Variants in PGM1 observed in about 807,000 individuals in gnomAD.
The protein encoded by PGM1 is phosphoglucomutase 1, also known as phosphoglucomutase-1.
PGM1 carries 52 observed loss-of-function variants against 55.6 expected under a neutral mutation model. The ratio of observed to expected loss-of-function variants is 0.94; its 90% CI spans 0.75 to 1.18. The LOEUF (loss-of-function observed/expected upper bound fraction) is 1.18. PGM1 is among the 50% of genes most tolerant of loss of function. The probability of loss-of-function intolerance (pLI) is 0.00; values close to 1 mark genes in which losing one functional copy is unlikely to be tolerated. For missense variants in PGM1, 724 were observed against 729.3 expected (o/e 0.99, Z 0.08); for synonymous variants, 287 against 271.7 (o/e 1.06, Z -0.55).
intron 1 of PGM1, among the ~76,000 whole-genome samples, chr1:63,597,884 T>C (rs1648127718): frequency 6.6e-6 from 1 of 152,188 alleles, no homozygotes; most frequent in Admixed American, 6.5e-5. Flanking sequence ...TATTTGTTGT[T>C]GTTGTTGTTG....
rs765034541 is a variant in PGM1, at chr1:63,593,456, C to T, written c.-33C>T. 6.2e-7 allele frequency: 1 copy of T among 1,612,890 alleles called. No individual in the cohort carries two copies. Among genetic ancestry groups the T allele is most frequent in the Non-Finnish European group, 8.5e-7 (1 of 1,179,716 alleles). On this transcript the variant is annotated 5_prime_UTR_variant, in exon 1 of 11. Coordinates refer to ENST00000371084, the MANE Select transcript of PGM1 (RefSeq NM_002633.3). The stretch of plus-strand genomic sequence containing the variant: ...CGGCCGCCCCTCCGCCAGCCAAGTC[C>T]GCCGCTCTGACCCCCGGCAGCAAGT...
chr1:63,653,485 C>T (rs944973494), intron 9 of PGM1, among the ~76,000 whole-genome samples: 1 of 152,184 alleles, frequency 6.6e-6, no homozygotes, highest in Non-Finnish European at 1.5e-5. Context: ...TGACGAACAG[C>T]AGGTGAAGAG....
rs1298789270 is a variant in PGM1 at position 63,645,573 on chromosome 1, C to T, written c.1145-2944C>T. Among the ~76,000 whole-genome samples, 3 of 152,176 alleles carry T rather than the reference C, an allele frequency of 2.0e-5. No individual in the cohort carries two copies. In the East Asian group the frequency reaches 5.8e-4, roughly 29 times the overall value. On this transcript the variant is annotated intron_variant, in intron 7 of 10. Coordinates refer to ENST00000371084, the MANE Select transcript of PGM1 (RefSeq NM_002633.3). Reference sequence around the variant, plus strand: ...GTAAGAGCCAGAGAGCTTTTTGCTCCTTAAAATAGCAGTAAGGGCAAATAA... The same window carrying T: ...GTAAGAGCCAGAGAGCTTTTTGCTCTTTAAAATAGCAGTAAGGGCAAATAA...
chr1:63,655,260 G>A (rs1365067086), intron 10 of PGM1, among the ~76,000 whole-genome samples: 1 of 151,822 alleles, frequency 6.6e-6, no homozygotes, highest in Admixed American at 6.6e-5. Flanking sequence ...GATTATATGT[G>A]TGAGCCACTG....
intron 8 of PGM1, chr1:63,651,457 T>C (rs1649803985): frequency 1.8e-6 from 1 of 564,766 alleles, no homozygotes; most frequent in Non-Finnish European, 3.2e-6. Flanking sequence ...CAGAAGCTCA[T>C]AACCCTTCCC....
intron 1 of PGM1, among the ~76,000 whole-genome samples, chr1:63,627,064 CCCA>C (rs376628354): frequency 0.11 from 14,806 of 130,592 alleles, 965 homozygotes; most frequent in South Asian, 0.14. Flanking sequence ...CCCCCCCCCC[CCCA>C]CACACACACA....
chr1:63,609,010 T>A (rs1191160318), intron 1 of PGM1, among the ~76,000 whole-genome samples: 1 of 152,222 alleles, frequency 6.6e-6, no homozygotes, highest in Non-Finnish European at 1.5e-5. Context: ...TTCCAAATAC[T>A]GAGGCCATTG....
At chr1:63,639,160 T>A (rs957711379) in intron 7 of PGM1, among the ~76,000 whole-genome samples, 3 of 152,164 alleles carry the variant, frequency 2.0e-5, no homozygotes, top group Non-Finnish European at 4.4e-5. Context: ...AGAAATACGG[T>A]GGAGCAAGTC....
In PGM1 at chr1:63,629,728, G is replaced by A. The variant is rs1425724309; in HGVS notation, c.409+141G>A. The A allele has an allele frequency of 4.2e-5, 40 of 949,790 alleles. No homozygotes were observed. In the Admixed American group the frequency reaches 7.4e-4, roughly 18 times the overall value. The allele number at this position is 949,790 out of a possible 1,614,324, so 58.8% of individuals were successfully genotyped here. A position where few individuals can be genotyped will look rare whatever the true frequency, so the allele number is the denominator to read the frequency against. On this transcript the variant is annotated intron_variant, in intron 2 of 10. Transcript: ENST00000371084. ...TGCTCTTTGCTTCCTTTCAGTGACA[G>A]TGAAATGCTTCTCATTTGACTGTAC...
chr1:63,603,062 G>A (rs1426084694), intron 1 of PGM1, among the ~76,000 whole-genome samples: 1 of 152,208 alleles, frequency 6.6e-6, no homozygotes, highest in Non-Finnish European at 1.5e-5. Flanking sequence ...AATTTGGCAT[G>A]TTTAAGAGAA....
intron 4 of PGM1, 125 bp from the exon 5 acceptor site, chr1:63,634,704 A>G (rs960601060): frequency 1.2e-5 from 9 of 771,794 alleles, no homozygotes; most frequent in Non-Finnish European, 1.8e-5. Flanking sequence ...CACATTTCAC[A>G]CATTCCTGTT....
intron 1 of PGM1, among the ~76,000 whole-genome samples, chr1:63,621,804 G>C (rs1043005872): frequency 5.3e-5 from 8 of 152,122 alleles, no homozygotes; most frequent in African/African-American, 1.9e-4. Flanking sequence ...ACATGGGCCA[G>C]GCCCATTTGT....
chr1:63,653,751 C>T (rs555407419), intron 9 of PGM1, among the ~76,000 whole-genome samples: 1 of 152,316 alleles, frequency 6.6e-6, no homozygotes, highest in South Asian at 2.1e-4. Context: ...ACACGGACCT[C>T]GCTTTGGGTC....
intron 1 of PGM1, among the ~76,000 whole-genome samples, chr1:63,595,241 G>GCCCT: frequency 6.6e-6 from 1 of 152,294 alleles, no homozygotes; most frequent in South Asian, 2.1e-4. Flanking sequence ...TCCTCCTGCA[G>GCCCT]CCCTATAAGG....
intron 7 of PGM1, among the ~76,000 whole-genome samples, chr1:63,644,955 C>G (rs1340012288): frequency 1.3e-5 from 2 of 152,208 alleles, no homozygotes; most frequent in African/African-American, 4.8e-5. Context: ...TACTGAGCCA[C>G]AACTGCAAAA....
At chr1:63,595,068 A>G (rs570716074) in intron 1 of PGM1, among the ~76,000 whole-genome samples, 2 of 152,174 alleles carry the variant, frequency 1.3e-5, no homozygotes, top group African/African-American at 4.8e-5. Context: ...TTTTCTTTCT[A>G]TATTTTAAGT....
intron 1 of PGM1, among the ~76,000 whole-genome samples, chr1:63,626,784 G>T (rs1244712159): frequency 1.3e-5 from 2 of 151,992 alleles, no homozygotes; most frequent in African/African-American, 4.8e-5. Context: ...GTTCAGTGAT[G>T]GTAACAAAAC....
At chr1:63,635,115 T>C (rs1159302535) in intron 5 of PGM1, 96 bp downstream of exon 5, 4 of 1,013,246 alleles carry the variant, frequency 3.9e-6, no homozygotes, top group Non-Finnish European at 6.3e-6. Flanking sequence ...ACCCAGGGAA[T>C]AACTGTTAAG....
At chr1:63,641,469 A>G (rs901666349) in intron 7 of PGM1, among the ~76,000 whole-genome samples, 22 of 152,172 alleles carry the variant, frequency 1.4e-4, no homozygotes, top group South Asian at 4.1e-4. Flanking sequence ...TTGCTAGTGA[A>G]TGTTTCCAAC....
Sources: allele counts gnomAD v4.1 joint callset (sites outside exome capture counted in the v4.1 genomes callset), GRCh38; gene constraint gnomAD v4.1.1; transcripts MANE v1.5; gene names NCBI Gene and HGNC (gene_info 2026-07-23, HGNC 2026-07-21).